Variants in MEI1 observed in about 807,000 individuals in gnomAD.
MEI1 encodes meiotic double-stranded break formation protein 1.
Under a neutral mutation model 146.2 loss-of-function variants are expected in MEI1, and 103 were observed. The ratio of observed to expected loss-of-function variants is 0.70; its 90% CI spans 0.60 to 0.83. MEI1 has a LOEUF of 0.83. Among genes scored for constraint, MEI1 ranks in the 40% least tolerant of loss-of-function variants. MEI1 has a pLI of 0.00. For missense variants in MEI1, 1,529 were observed against 1,533.0 expected (o/e 1.00, Z 0.04); for synonymous variants, 652 against 628.2 (o/e 1.04, Z -0.57).
intron 12 of MEI1, 55 bp downstream of exon 12, chr22:41,743,249 A>G (rs1259634356): frequency 3.1e-6 from 4 of 1,276,878 alleles, no homozygotes; most frequent in Non-Finnish European, 3.4e-6. Context: ...GTGTTTTTAG[A>G]AAGATAATTA....
intron 11 of MEI1, among the ~76,000 whole-genome samples, chr22:41,732,997 T>C (rs1359340029): frequency 1.3e-5 from 2 of 151,846 alleles, no homozygotes; most frequent in Admixed American, 6.6e-5. Flanking sequence ...GCCAGGCTGG[T>C]CTCGAACGCC....
chr22:41,735,318 G>T (rs552355640), intron 11 of MEI1, among the ~76,000 whole-genome samples: 4 of 139,478 alleles, frequency 2.9e-5, no homozygotes, highest in Non-Finnish European at 6.0e-5. Context: ...CACAACCTCT[G>T]CCTCCCGGGT....
At chr22:41,768,403 A>G (rs1248741845) in intron 19 of MEI1, among the ~76,000 whole-genome samples, 1 of 152,182 alleles carries the variant, frequency 6.6e-6, no homozygotes, top group African/African-American at 2.4e-5. Flanking sequence ...AAAAAAAAAA[A>G]AAATGAAATT....
At chr22:41,768,406 A>G (rs976968615) in intron 19 of MEI1, among the ~76,000 whole-genome samples, 65 of 143,708 alleles carry the variant, frequency 4.5e-4, no homozygotes, top group Non-Finnish European at 8.9e-4. Flanking sequence ...AAAAAAAAAA[A>G]TGAAATTAAG....
intron 26 of MEI1, among the ~76,000 whole-genome samples, chr22:41,793,388 G>A (rs763262558): frequency 3.3e-5 from 5 of 151,624 alleles, no homozygotes; most frequent in Non-Finnish European, 7.4e-5. Flanking sequence ...CGCAACCTCC[G>A]CCTCCCGGGT....
chr22:41,799,291 A>C lies in MEI1; in HGVS notation c.3817A>C (p.Arg1273=). The change falls in exon 31 of 31, where the codon AGA becomes CGA. Residue 1273 remains arginine, a synonymous_variant. Coordinates refer to ENST00000401548, the MANE Select transcript of MEI1 (RefSeq NM_152513.4). The part of the protein sequence containing the change: ...GGVAVSLSHI[R]N ...GGTGGCTGTATCCCTGTCCCACATC[A>C]GAAACTGATCCTCAGGACTTGAAGG... The C allele has an allele frequency of 6.2e-7, 1 of 1,613,606 alleles. No homozygotes were observed. Among genetic ancestry groups the C allele is most frequent in the African/African-American group, 1.3e-5 (1 of 75,012 alleles).
chr22:41,748,787 A>G (rs2073522556), intron 15 of MEI1, among the ~76,000 whole-genome samples: 1 of 151,798 alleles, frequency 6.6e-6, no homozygotes, highest in African/African-American at 2.4e-5. Flanking sequence ...AATCCAGGGA[A>G]TCTGACTGTA....
chr22:41,728,569 T>C, intron 7 of MEI1, among the ~76,000 whole-genome samples: 1 of 152,058 alleles, frequency 6.6e-6, no homozygotes, highest in Middle Eastern at 3.2e-3. Context: ...TATAAAAAAT[T>C]TTAAAATGAG....
intron 11 of MEI1, among the ~76,000 whole-genome samples, chr22:41,736,089 C>T (rs866195871): frequency 4.2e-4 from 64 of 152,158 alleles, no homozygotes; most frequent in African/African-American, 1.5e-3. Context: ...ATACGGAACA[C>T]TTCCCTGCCT....
chr22:41,715,515 C>G (rs1040239793), intron 4 of MEI1, among the ~76,000 whole-genome samples: 1 of 151,882 alleles, frequency 6.6e-6, no homozygotes, highest in African/African-American at 2.4e-5. Flanking sequence ...CCTGCCTCAG[C>G]CTCCCGAGTA....
Position 41,732,558 on chromosome 22 carries a change from T to C in MEI1, c.1286T>C (p.Leu429Pro), listed in dbSNP as rs757200522. 1.5e-5 allele frequency: 25 copies of C among 1,613,700 alleles called. No individual in the cohort carries two copies. Among genetic ancestry groups the C allele is most frequent in the East Asian group, 6.7e-5 (3 of 44,888 alleles). ...ALQEAVSSPVLEVAAEALKAT... is the reference protein window; with the variant it reads ...ALQEAVSSPVPEVAAEALKAT... ...CAAGAAGCAGTTAGCAGCCCTGTGC[T>C]GGAGGTGGCTGCTGAGGCCTTGAAG... The change falls in exon 11 of 31, where the codon CTG (leucine) becomes CCG (proline). Residue 429 changes from leucine (L) to proline (P), a missense_variant. This residue lies in a region of MEI1 where 1,212 missense variants were observed against 1,178.9 expected (regional missense o/e 1.03). Coordinates refer to ENST00000401548, the MANE Select transcript of MEI1 (RefSeq NM_152513.4).
chr22:41,782,641 C>T (rs2075806903), intron 24 of MEI1, among the ~76,000 whole-genome samples: 1 of 152,228 alleles, frequency 6.6e-6, no homozygotes, highest in Non-Finnish European at 1.5e-5. Context: ...GAGTTTTAAA[C>T]TTTGGCCTCT....
intron 8 of MEI1, among the ~76,000 whole-genome samples, 195 bp from the exon 9 acceptor site, chr22:41,730,321 TAAAAA>T (rs953412017): frequency 2.6e-5 from 4 of 152,184 alleles, no homozygotes; most frequent in South Asian, 2.1e-4. Flanking sequence ...CCCCACCTGT[TAAAAA>T]GAAGAGGTTA....
chr22:41,770,550 C>A, intron 19 of MEI1, 136 bp from the exon 20 acceptor site: 2 of 762,556 alleles, frequency 2.6e-6, no homozygotes, highest in South Asian at 1.9e-5. Context: ...CACTAAAGTG[C>A]CTTGGGATGA....
At chr22:41,723,822 C>A in intron 6 of MEI1, 121 bp from the exon 7 acceptor site, 5 of 1,255,250 alleles carry the variant, frequency 4.0e-6, no homozygotes, top group Non-Finnish European at 5.5e-6. Flanking sequence ...AGGATTCTAA[C>A]CATTCTTCAT....
intron 3 of MEI1, 116 bp from the exon 4 acceptor site, chr22:41,713,883 TATA>T: frequency 1.3e-6 from 1 of 777,826 alleles, no homozygotes. Context: ...AATAGAAAAG[TATA>T]ATACCAATTA....
chr22:41,703,645 T>A (rs1232406496), intron 2 of MEI1, among the ~76,000 whole-genome samples, 191 bp downstream of exon 2: 1 of 152,204 alleles, frequency 6.6e-6, no homozygotes, highest in African/African-American at 2.4e-5. Flanking sequence ...TTACAGTAAC[T>A]GACTTTACTA....
intron 19 of MEI1, among the ~76,000 whole-genome samples, chr22:41,765,928 C>T (rs534124086): frequency 6.0e-4 from 80 of 133,140 alleles, no homozygotes; most frequent in African/African-American, 2.2e-3. Context: ...CTTGCTCTGT[C>T]GCCAGGCTAG....
At chr22:41,738,807 AAAT>A (rs1269879377) in intron 11 of MEI1, among the ~76,000 whole-genome samples, 1 of 40,310 alleles carries the variant, frequency 2.5e-5, no homozygotes, top group Non-Finnish European at 4.8e-5. Context: ...GTAATAAAAT[AAAT>A]AAATAAAATT....
Sources: allele counts gnomAD v4.1 joint callset (sites outside exome capture counted in the v4.1 genomes callset), GRCh38; gene constraint gnomAD v4.1.1; regional missense constraint gnomAD v4.1.1; transcripts MANE v1.5; gene names NCBI Gene and HGNC (gene_info 2026-07-23, HGNC 2026-07-21).